The following ASTN2 variants were observed in gnomAD, a reference collection of about 807,000 sequenced individuals.
ASTN2 encodes the protein astrotactin-2.
ASTN2 carries 54 observed loss-of-function variants against 139.8 expected under a neutral mutation model. The ratio of observed to expected loss-of-function variants is 0.39; its 90% CI spans 0.31 to 0.48. The LOEUF (loss-of-function observed/expected upper bound fraction) is 0.48, where lower values mean the gene tolerates loss of function less well. Among genes scored for constraint, ASTN2 ranks in the 20% least tolerant of loss-of-function variants. The pLI is 0.95. For synonymous variants in ASTN2, 756 were observed against 719.5 expected (o/e 1.05, Z -0.81); for missense variants, 1,565 against 1,725.1 (o/e 0.91, Z 1.64).
chr9:116,670,434 G>A, intron 16 of ASTN2, among the ~76,000 whole-genome samples: 1 of 152,144 alleles, frequency 6.6e-6, no homozygotes, highest in Non-Finnish European at 1.5e-5. Flanking sequence ...GGGATTACAG[G>A]CATAAGCCAC....
At chr9:116,792,743 G>A (rs973492057) in intron 13 of ASTN2, among the ~76,000 whole-genome samples, 1 of 152,150 alleles carries the variant, frequency 6.6e-6, no homozygotes, top group African/African-American at 2.4e-5. Flanking sequence ...AAGATTCCAT[G>A]GATCTCTAGT....
At chr9:116,763,409 C>T (rs993207850) in intron 13 of ASTN2, among the ~76,000 whole-genome samples, 2 of 152,120 alleles carry the variant, frequency 1.3e-5, no homozygotes, top group African/African-American at 2.4e-5. Flanking sequence ...AATTTGGAGA[C>T]ATTAGCACAC....
chr9:116,837,903 T>G (rs1832054961), intron 11 of ASTN2, among the ~76,000 whole-genome samples: 1 of 152,164 alleles, frequency 6.6e-6, no homozygotes, highest in Admixed American at 6.5e-5. Context: ...AGCACTAGTC[T>G]TAGAACCAGC....
At chr9:116,658,733 C>CTTTTTTTTTTTTT (rs71502074) in intron 16 of ASTN2, among the ~76,000 whole-genome samples, 84 of 101,112 alleles carry the variant, frequency 8.3e-4, no homozygotes, top group East Asian at 2.9e-3. Context: ...GACCACCGCT[C>CTTTTTTTTTTTTT]TTTTTTTTTT....
chr9:116,471,894 G>A (rs995094846), intron 20 of ASTN2, among the ~76,000 whole-genome samples: 1 of 152,054 alleles, frequency 6.6e-6, no homozygotes, highest in Non-Finnish European at 1.5e-5. Context: ...TTCAAACCTT[G>A]GGCTCTGTCT....
At chr9:116,883,551 T>C (rs1833511321) in intron 10 of ASTN2, among the ~76,000 whole-genome samples, 1 of 152,240 alleles carries the variant, frequency 6.6e-6, no homozygotes, top group South Asian at 2.1e-4. Flanking sequence ...AGGTGTCTTG[T>C]TTTCCTCTGA....
chr9:117,301,627 A>G (rs1834877607), intron 1 of ASTN2, among the ~76,000 whole-genome samples: 1 of 152,168 alleles, frequency 6.6e-6, no homozygotes, highest in Non-Finnish European at 1.5e-5. Context: ...GAGATCGAGG[A>G]ATCAAGTGTA....
chr9:117,131,242 T>C (rs892781908), intron 4 of ASTN2, among the ~76,000 whole-genome samples: 1 of 152,098 alleles, frequency 6.6e-6, no homozygotes, highest in African/African-American at 2.4e-5. Context: ...CCCATTATGA[T>C]GAAAAGGGCA....
At chr9:116,743,075 C>A (rs759805872) in intron 13 of ASTN2, among the ~76,000 whole-genome samples, 1 of 152,136 alleles carries the variant, frequency 6.6e-6, no homozygotes, top group African/African-American at 2.4e-5. Context: ...GTACCAGAGA[C>A]CTTCCCTCAC....
intron 13 of ASTN2, among the ~76,000 whole-genome samples, chr9:116,763,147 C>T (rs1322360352): frequency 6.6e-6 from 1 of 152,148 alleles, no homozygotes; most frequent in Non-Finnish European, 1.5e-5. Context: ...CTCCAGACTA[C>T]AAACTGTGTG....
intron 1 of ASTN2, among the ~76,000 whole-genome samples, chr9:117,337,370 T>C (rs577973332): frequency 6.6e-6 from 1 of 152,330 alleles, no homozygotes; most frequent in African/African-American, 2.4e-5. Context: ...CCTAATAAAC[T>C]CTGAGAAGTT....
chr9:117,001,800 G>A (rs928201013), intron 7 of ASTN2, among the ~76,000 whole-genome samples: 8 of 152,050 alleles, frequency 5.3e-5, no homozygotes, highest in Non-Finnish European at 8.8e-5. Flanking sequence ...TTAATGCATT[G>A]CTCTTGATTT....
chr9:116,477,839 A>G (rs1484522413), intron 20 of ASTN2, among the ~76,000 whole-genome samples: 2 of 141,466 alleles, frequency 1.4e-5, no homozygotes, highest in African/African-American at 5.3e-5. Flanking sequence ...TGGGCAACAC[A>G]GTGAGATCCC....
intron 19 of ASTN2, among the ~76,000 whole-genome samples, chr9:116,527,981 CT>C (rs1466375351): frequency 5.3e-5 from 8 of 152,118 alleles, no homozygotes; most frequent in Non-Finnish European, 7.3e-5. Flanking sequence ...TTAGGTAGTT[CT>C]TTATAGCAGT....
At chr9:117,198,388 C>G (rs751409923) in intron 3 of ASTN2, among the ~76,000 whole-genome samples, 9 of 152,104 alleles carry the variant, frequency 5.9e-5, no homozygotes, top group Non-Finnish European at 8.8e-5. Context: ...CATAGTATTC[C>G]ATGGTGTATA....
chr9:117,196,756 G>A (rs994983105), intron 3 of ASTN2, among the ~76,000 whole-genome samples: 2 of 151,956 alleles, frequency 1.3e-5, no homozygotes, highest in Admixed American at 1.3e-4. Context: ...TTAACTGAGG[G>A]AAAAAAACAA....
At chr9:116,801,350 A>AG (rs1051095465) in intron 13 of ASTN2, among the ~76,000 whole-genome samples, 2 of 151,988 alleles carry the variant, frequency 1.3e-5, no homozygotes, top group African/African-American at 4.8e-5. Context: ...TGGGAGGCCA[A>AG]GGGGGGTGGA....
At chr9:116,977,433 C>T (rs1836373729) in intron 7 of ASTN2, among the ~76,000 whole-genome samples, 2 of 152,216 alleles carry the variant, frequency 1.3e-5, no homozygotes, top group Middle Eastern at 3.4e-3. Flanking sequence ...TCTTTCCCTT[C>T]CATCCATTCA....
chr9:116,686,588 G>T, intron 16 of ASTN2: 1 of 1,123,924 alleles, frequency 8.9e-7, no homozygotes, highest in Non-Finnish European at 1.3e-6. Context: ...CTTGCCAGAT[G>T]CCTAGTGCCC....
Sources: allele counts gnomAD v4.1 joint callset (sites outside exome capture counted in the v4.1 genomes callset), GRCh38; gene constraint gnomAD v4.1.1; transcripts MANE v1.5; gene names NCBI Gene and HGNC (gene_info 2026-07-23, HGNC 2026-07-21).